PRRX1: variants seen among roughly 807,000 people sequenced by gnomAD.
PRRX1 encodes the protein paired related homeobox 1, also known as paired mesoderm homeobox protein 1.
A neutral mutation model predicts 24.0 loss-of-function variants in PRRX1; 8 were observed. The observed-to-expected ratio is 0.33, with a 90% CI of 0.20 to 0.60. PRRX1 has a LOEUF of 0.60. Ranked by LOEUF, PRRX1 falls within the 20% of genes least tolerant of loss-of-function variation. The pLI is 0.82. For synonymous variants in PRRX1, 160 were observed against 131.7 expected, an observed-to-expected ratio of 1.22 and a Z score of -1.47; for missense variants, 281 against 322.4, an observed-to-expected ratio of 0.87 and a Z score of 0.98.
chr1:170,700,596 T>C (rs1654322224), intron 1 of PRRX1, among the ~76,000 whole-genome samples: 1 of 152,176 alleles, frequency 6.6e-6, no homozygotes, highest in South Asian at 2.1e-4. Flanking sequence ...TTGAGCATCC[T>C]ATCCATTAAA....
At chr1:170,688,618 T>C (rs986726446) in intron 1 of PRRX1, among the ~76,000 whole-genome samples, 1 of 152,164 alleles carries the variant, frequency 6.6e-6, no homozygotes, top group African/African-American at 2.4e-5. Flanking sequence ...CTGCTGACTA[T>C]ATCGTTTCAT....
rs1031143937 is a variant in PRRX1, at chr1:170,719,643, C to A, written c.242-83C>A. 15 of 1,423,934 alleles carry A rather than the reference C, an allele frequency of 1.1e-5. No homozygotes were observed. The African/African-American group carries it at 1.1e-4, about 11-fold the overall frequency. The allele number at this position is 1,423,934 out of a possible 1,614,324, so 88.2% of individuals were successfully genotyped here. ...GATGTGAGCAAATGAAGCAAGATCT[C>A]ACTATAGATATACCATAAAAAAGTC... On this transcript the variant is annotated intron_variant, in intron 1 of 3. Coordinates refer to ENST00000239461, the MANE Select transcript of PRRX1 (RefSeq NM_022716.4).
At chr1:170,726,157 A>G in intron 2 of PRRX1, 63 bp from the exon 3 acceptor site, 1 of 1,476,304 alleles carries the variant, frequency 6.8e-7, no homozygotes, top group Non-Finnish European at 9.4e-7. Context: ...CATTCATGTA[A>G]CCCCTTCTTC....
chr1:170,720,296 AAAC>A (rs1282171763), intron 2 of PRRX1, among the ~76,000 whole-genome samples: 1 of 152,106 alleles, frequency 6.6e-6, no homozygotes, highest in African/African-American at 2.4e-5. Flanking sequence ...ATAAACAAAC[AAAC>A]AAATAAATAA....
At chr1:170,735,880 C>T (rs893258081) in intron 3 of PRRX1, among the ~76,000 whole-genome samples, 168 bp from the exon 4 acceptor site, 1 of 152,178 alleles carries the variant, frequency 6.6e-6, no homozygotes, top group Admixed American at 6.5e-5. Context: ...CCCTAAGTAC[C>T]TTAGACGAAT....
intron 3 of PRRX1, 94 bp from the exon 4 acceptor site, chr1:170,735,954 C>T: frequency 6.5e-7 from 1 of 1,547,196 alleles, no homozygotes; most frequent in Non-Finnish European, 8.9e-7. Flanking sequence ...CCTGCCTGCC[C>T]CCATGCTGAG....
rs1288606501 is a variant in PRRX1, at chr1:170,738,095, A to AT, written c.*1916dup. Reference sequence around the variant, plus strand: ...GAATAATTTAAGACACATAGAACAGATTTTTTTAATTTATATTTTCATCCT... The same window carrying AT: ...GAATAATTTAAGACACATAGAACAGATTTTTTTTAATTTATATTTTCATCCT... On this transcript the variant is annotated 3_prime_UTR_variant, in exon 4 of 4. Coordinates refer to ENST00000239461, the MANE Select transcript of PRRX1 (RefSeq NM_022716.4). The AT allele has an allele frequency of 2.3e-5, 5 of 216,520 alleles. No individual in the cohort carries two copies. The highest frequency in any genetic ancestry group is 1.2e-4 in the Admixed American group (2 of 17,250). The allele number at this position is 216,520 out of a possible 1,614,324, so 13.4% of individuals were successfully genotyped here.
rs1368445836 is a variant in PRRX1 at position 170,664,558 on chromosome 1, G to A, written c.241+99G>A. 3 of 1,480,316 alleles carry A rather than the reference G, an allele frequency of 2.0e-6. No homozygotes were observed. In the Admixed American group the frequency reaches 6.8e-5, roughly 33 times the overall value. The allele number at this position is 1,480,316 out of a possible 1,614,324, so 91.7% of individuals were successfully genotyped here. ...GCCCGTCCGCGGCCAGAAAGACAAG[G>A]TCCTGGGACCAGGAGAGGTGATGGC... On this transcript the variant is annotated intron_variant, in intron 1 of 3. Transcript: ENST00000239461.
chr1:170,716,671 G>A (rs909459724), intron 1 of PRRX1, among the ~76,000 whole-genome samples: 1 of 152,078 alleles, frequency 6.6e-6, no homozygotes, highest in Non-Finnish European at 1.5e-5. Context: ...CAAAGAATGA[G>A]ATGCATTCTA....
intron 3 of PRRX1, chr1:170,727,834 T>C (rs978070751): frequency 1.3e-5 from 2 of 152,216 alleles, no homozygotes; most frequent in African/African-American, 4.8e-5. Context: ...GTGTGCCCTA[T>C]TTTAAATTTA....
intron 1 of PRRX1, among the ~76,000 whole-genome samples, chr1:170,695,840 T>C (rs1182885959): frequency 2.6e-5 from 1 of 38,964 alleles, no homozygotes; most frequent in African/African-American, 3.3e-4. Flanking sequence ...GGGTATGCTT[T>C]TTTTCCCCCC....
chr1:170,678,478 G>A (rs967826914), intron 1 of PRRX1, among the ~76,000 whole-genome samples: 3 of 152,266 alleles, frequency 2.0e-5, no homozygotes, highest in African/African-American at 7.2e-5. Flanking sequence ...ATGCAAGAGA[G>A]AAGGGGCAGG....
intron 1 of PRRX1, among the ~76,000 whole-genome samples, chr1:170,708,917 T>A (rs573962488): frequency 6.6e-6 from 1 of 152,052 alleles, no homozygotes; most frequent in South Asian, 2.1e-4. Context: ...CCTGAAAGAG[T>A]GGTCAGGTTT....
intron 1 of PRRX1, among the ~76,000 whole-genome samples, chr1:170,710,191 T>TAA (rs997670953): frequency 6.6e-6 from 1 of 152,016 alleles, no homozygotes; most frequent in African/African-American, 2.4e-5. Flanking sequence ...CTCAAAAAAG[T>TAA]AAAAAAACAC....
intron 1 of PRRX1, among the ~76,000 whole-genome samples, chr1:170,670,148 CG>C (rs1280234845): frequency 6.6e-6 from 1 of 152,092 alleles, no homozygotes; most frequent in Non-Finnish European, 1.5e-5. Flanking sequence ...GAGTGTACAC[CG>C]TTGTAATCTT....
At chr1:170,669,709 T>C (rs1653080384) in intron 1 of PRRX1, among the ~76,000 whole-genome samples, 1 of 152,108 alleles carries the variant, frequency 6.6e-6, no homozygotes, top group Admixed American at 6.6e-5. Flanking sequence ...GCGGAAGCAC[T>C]AGGGCCCTCA....
chr1:170,663,238 A>G (rs1348580281), upstream of PRRX1: 1 of 152,222 alleles, frequency 6.6e-6, no homozygotes, highest in African/African-American at 2.4e-5. Context: ...AACGTCAGGC[A>G]CAGCACAAAG....
Position 170,716,627 on chromosome 1 carries a change from T to G in PRRX1, c.242-3099T>G, listed in dbSNP as rs537804414. Reference sequence around the variant, plus strand: ...GTATTCATGTTTCCGCTGGTTATTCTACAACTTGGTGAATCCTTCCCATTT... The same window carrying G: ...GTATTCATGTTTCCGCTGGTTATTCGACAACTTGGTGAATCCTTCCCATTT... On this transcript the variant is annotated intron_variant, in intron 1 of 3. Coordinates refer to ENST00000239461, the MANE Select transcript of PRRX1 (RefSeq NM_022716.4). 7.7e-4 allele frequency among the ~76,000 whole-genome samples: 118 copies of G among 152,260 alleles called. 2 individuals are homozygous for G. Among genetic ancestry groups the G allele is most frequent in the African/African-American group, 2.7e-3 (113 of 41,556 alleles).
At chr1:170,674,416 C>T (rs879861930) in intron 1 of PRRX1, among the ~76,000 whole-genome samples, 3 of 152,162 alleles carry the variant, frequency 2.0e-5, no homozygotes, top group Non-Finnish European at 4.4e-5. Flanking sequence ...GCAAATCTTC[C>T]CATGCTTTCT....
Sources: allele counts gnomAD v4.1 joint callset (sites outside exome capture counted in the v4.1 genomes callset), GRCh38; gene constraint gnomAD v4.1.1; transcripts MANE v1.5; gene names NCBI Gene and HGNC (gene_info 2026-07-23, HGNC 2026-07-21).